The following EVC variants were observed in gnomAD, a reference collection of about 807,000 sequenced individuals.
The protein encoded by EVC is evC complex member EVC.
In EVC, 116 loss-of-function variants were observed where a neutral mutation model predicts 118.9. That is an observed-to-expected ratio of 0.98 (90% confidence interval 0.84 to 1.14). EVC has a LOEUF of 1.14. Ranked by LOEUF, EVC falls within the 50% of genes most tolerant of loss-of-function variation. EVC has a pLI of 0.00. For missense variants in EVC, 1,401 were observed against 1,246.4 expected (o/e 1.12, Z -1.87); for synonymous variants, 619 against 534.7 (o/e 1.16, Z -2.18).
At chr4:5,823,980 C>T in the EVC span, among the ~76,000 whole-genome samples, 2 of 152,212 alleles carry the variant, frequency 1.3e-5, no homozygotes, top group Non-Finnish European at 2.9e-5. Context: ...ACCTATCAAC[C>T]TGCCAAGAGG....
intron 17 of EVC, among the ~76,000 whole-genome samples, chr4:5,806,714 G>C (rs1022144531): frequency 6.6e-6 from 1 of 152,182 alleles, no homozygotes; most frequent in African/African-American, 2.4e-5. Context: ...CCAGTAGTGG[G>C]ATTGCTGGAT....
intron 11 of EVC, among the ~76,000 whole-genome samples, chr4:5,771,376 C>A (rs1216045803): frequency 1.3e-5 from 2 of 152,136 alleles, no homozygotes; most frequent in Non-Finnish European, 2.9e-5. Context: ...TGACTGTGAC[C>A]CTCCTGCCTC....
intron 14 of EVC, 110 bp downstream of exon 14, chr4:5,797,342 C>T: frequency 2.1e-6 from 2 of 949,910 alleles, no homozygotes; most frequent in Non-Finnish European, 1.6e-6. Context: ...CTTGGTGCTG[C>T]AGGGTGCGGT....
At chr4:5,797,862 G>A (rs867915873) in intron 14 of EVC, among the ~76,000 whole-genome samples, 3 of 152,194 alleles carry the variant, frequency 2.0e-5, no homozygotes, top group Non-Finnish European at 4.4e-5. Context: ...TGGGGGTATG[G>A]TAGAGAAGGC....
At position 5,798,252 on chromosome 4, in the gene EVC, C is replaced by T. The variant is rs149883288; in HGVS notation, c.2098-334C>T. Among the ~76,000 whole-genome samples the T allele has an allele frequency of 6.6e-6, 1 of 152,344 alleles. No individual in the cohort carries two copies. Among genetic ancestry groups the T allele is most frequent in the East Asian group, 1.9e-4 (1 of 5,188 alleles). On this transcript the variant is annotated intron_variant, in intron 14 of 20. Transcript: ENST00000264956. This position sits in a 1 kb window ranked among gnomAD's most constrained non-coding sequence, Gnocchi z 4.1. ...GACTTTAGAAAGTTACTTAACTTCT[C>T]TGAGCCTTCGTGTCCTCCTCAGTGC...
intron 11 of EVC, among the ~76,000 whole-genome samples, chr4:5,767,885 G>A (rs1040818219): frequency 2.6e-5 from 4 of 152,188 alleles, no homozygotes; most frequent in African/African-American, 9.7e-5. Context: ...GCTGGGAGCT[G>A]TAGACCGGAG....
rs906917519 is a variant in EVC at position 5,749,643 on chromosome 4, T to C, written c.1098+1337T>C. Among the ~76,000 whole-genome samples the C allele has an allele frequency of 3.3e-5, 5 of 152,154 alleles. No homozygotes were observed. The highest frequency in any genetic ancestry group is 4.8e-5 in the African/African-American group (2 of 41,446). ...ACCATTGGGTTCCTCTTGGTACACA[T>C]TGGGCTCATCCTGTGTGCGCCAGTG... On this transcript the variant is annotated intron_variant, in intron 8 of 20. Coordinates refer to ENST00000264956, the MANE Select transcript of EVC (RefSeq NM_153717.3). The surrounding 1 kb of genome is among the most constrained non-coding windows in gnomAD (Gnocchi z 4.4).
chr4:5,757,166 G>A (rs1731300504), intron 11 of EVC, among the ~76,000 whole-genome samples: 1 of 152,182 alleles, frequency 6.6e-6, no homozygotes, highest in African/African-American at 2.4e-5. Context: ...TTGGGGACCC[G>A]AGACAGCAGC....
At chr4:5,736,084 G>A (rs1470585253) in intron 5 of EVC, among the ~76,000 whole-genome samples, 1 of 152,166 alleles carries the variant, frequency 6.6e-6, no homozygotes, top group African/African-American at 2.4e-5. Context: ...CTGGCTCTGG[G>A]CTTGTCCAAG....
intron 11 of EVC, among the ~76,000 whole-genome samples, chr4:5,767,268 C>T (rs1480611785): frequency 1.3e-5 from 2 of 151,116 alleles, no homozygotes; most frequent in Admixed American, 6.6e-5. Context: ...CTCAGATCTC[C>T]AGCTGCATGC....
Position 5,711,560 on chromosome 4 carries a change from T to G in EVC, c.174+6T>G. ...GCCAGCGCACGCGACACCAGGTGGG[T>G]CGGCCGAGCAGACAGCGGCGGGGCG... On this transcript the variant is annotated splice_donor_region_variant and intron_variant, in intron 1 of 20. Transcript: ENST00000264956. 7 of 1,152,538 alleles carry G rather than the reference T, an allele frequency of 6.1e-6. No individual in the cohort carries two copies. The East Asian group carries it at 1.2e-4, about 20-fold the overall frequency. The allele number at this position is 1,152,538 out of a possible 1,614,324, so 71.4% of individuals were successfully genotyped here. A position where few individuals can be genotyped will look rare whatever the true frequency, so the allele number is the denominator to read the frequency against.
chr4:5,810,224 C>G (rs534792653), intron 19 of EVC, 115 bp from the exon 20 acceptor site: 12 of 791,656 alleles, frequency 1.5e-5, no homozygotes, highest in Non-Finnish European at 2.6e-5. Context: ...ACCAAGCATA[C>G]ACTTGGCCCA....
rs1714341527 is a variant in EVC at position 5,798,281 on chromosome 4, T to C, written c.2098-305T>C. ...GCCTTCGTGTCCTCCTCAGTGCTAGTGTTCAGGTCTCATGATGTTCTAGAA... is the reference window on the plus strand; with the variant it reads ...GCCTTCGTGTCCTCCTCAGTGCTAGCGTTCAGGTCTCATGATGTTCTAGAA... On this transcript the variant is annotated intron_variant, in intron 14 of 20. Coordinates refer to ENST00000264956, the MANE Select transcript of EVC (RefSeq NM_153717.3). The surrounding 1 kb of genome is among the most constrained non-coding windows in gnomAD (Gnocchi z 4.1). 6.6e-6 allele frequency among the ~76,000 whole-genome samples: 1 copy of C among 152,200 alleles called. No individual in the cohort carries two copies. The highest frequency in any genetic ancestry group is 2.4e-5 in the African/African-American group (1 of 41,452).
chr4:5,793,551 C>G, intron 12 of EVC, 57 bp from the exon 13 acceptor site: 1 of 1,370,838 alleles, frequency 7.3e-7, no homozygotes, highest in Non-Finnish European at 1.0e-6. Flanking sequence ...TCCTAGCAAG[C>G]AGGATTGTTG....
At position 5,755,730 on chromosome 4, in the gene EVC, A is replaced by C. The variant is rs1375300565; in HGVS notation, c.1465-534A>C. On this transcript the variant is annotated intron_variant, in intron 10 of 20. Coordinates refer to ENST00000264956, the MANE Select transcript of EVC (RefSeq NM_153717.3). The surrounding 1 kb of genome is among the most constrained non-coding windows in gnomAD (Gnocchi z 4.1). ...GTCTGTTCCTCTGTCCTTCTGCCCC[A>C]CCTCGCCCCTCGCTGATGCTCTGTT... Among the ~76,000 whole-genome samples, 1 of 151,776 alleles carries C rather than the reference A, an allele frequency of 6.6e-6. No homozygotes were observed. Among genetic ancestry groups the C allele is most frequent in the Non-Finnish European group, 1.5e-5 (1 of 67,968 alleles).
intron 11 of EVC, among the ~76,000 whole-genome samples, chr4:5,769,969 C>A (rs1355188627): frequency 6.6e-6 from 1 of 152,054 alleles, no homozygotes; most frequent in Non-Finnish European, 1.5e-5. Context: ...CAGAAGGACT[C>A]CCAGCACTCC....
the EVC span, chr4:5,828,425 T>TC: frequency 7.0e-6 from 11 of 1,572,116 alleles, no homozygotes; most frequent in African/African-American, 9.5e-5. Context: ...AGATCTCGAT[T>TC]CCCCAAGAGA....
At position 5,756,938 on chromosome 4, in the gene EVC, T is replaced by C. The variant is rs950523500; in HGVS notation, c.1563+576T>C. 3.9e-5 allele frequency among the ~76,000 whole-genome samples: 6 copies of C among 152,046 alleles called. No homozygotes were observed. The highest frequency in any genetic ancestry group is 1.4e-4 in the African/African-American group (6 of 41,382). On this transcript the variant is annotated intron_variant, in intron 11 of 20. Coordinates refer to ENST00000264956, the MANE Select transcript of EVC (RefSeq NM_153717.3). This position sits in a 1 kb window ranked among gnomAD's most constrained non-coding sequence, Gnocchi z 4.2. ...CTGCCTCAGGCAGCATCCTCAGTTG[T>C]TGGAAAGACAGGAGTGTGGACACCT...
intron 7 of EVC, 66 bp from the exon 8 acceptor site, chr4:5,748,082 C>T (rs1021472392): frequency 1.9e-5 from 30 of 1,557,850 alleles, no homozygotes; most frequent in Admixed American, 3.3e-5. Flanking sequence ...TTCCCGAGCA[C>T]GCACCGTTTG....
Sources: gnomAD v4.1 joint callset for allele counts (sites outside exome capture counted in the v4.1 genomes callset) on GRCh38, gnomAD v4.1.1 for gene constraint, Gnocchi (gnomAD v3.1) non-coding constraint, MANE v1.5 for transcripts, NCBI Gene and HGNC (gene_info 2026-07-23, HGNC 2026-07-21) for gene names.